Variants in ZNF407 observed in about 807,000 individuals in gnomAD.
ZNF407 encodes zinc finger protein 407.
A neutral mutation model predicts 131.2 loss-of-function variants in ZNF407; 17 were observed. The observed-to-expected ratio is 0.13, with a 90% CI of 0.09 to 0.19. The LOEUF is 0.19. Among genes scored for constraint, ZNF407 ranks in the 10% least tolerant of loss-of-function variants. ZNF407 has a pLI of 1.00. For synonymous variants in ZNF407, 1,156 were observed against 1,062.0 expected (o/e 1.09, Z -1.72); for missense variants, 2,681 against 2,830.6 (o/e 0.95, Z 1.20).
intron 8 of ZNF407, among the ~76,000 whole-genome samples, chr18:75,037,033 G>A (rs1453131876): frequency 6.6e-5 from 10 of 152,144 alleles, no homozygotes; most frequent in Non-Finnish European, 7.4e-5. Context: ...AGCTGACTCC[G>A]ATATTGCTAA....
intron 8 of ZNF407, among the ~76,000 whole-genome samples, chr18:75,047,185 G>A (rs961616577): frequency 3.3e-5 from 5 of 152,164 alleles, no homozygotes; most frequent in South Asian, 2.1e-4. Flanking sequence ...ATTGGGAAAC[G>A]GATTATGTAT....
At chr18:74,788,452 T>G (rs1033353351) in intron 4 of ZNF407, among the ~76,000 whole-genome samples, 1 of 152,122 alleles carries the variant, frequency 6.6e-6, no homozygotes, top group Non-Finnish European at 1.5e-5. Flanking sequence ...TCAGACTTAT[T>G]TATTTAAAAA....
chr18:74,874,242 C>G (rs1971124944), intron 4 of ZNF407, among the ~76,000 whole-genome samples: 2 of 152,142 alleles, frequency 1.3e-5, no homozygotes. Flanking sequence ...GTTATTTACC[C>G]TCTCAGATTG....
intron 4 of ZNF407, among the ~76,000 whole-genome samples, chr18:74,858,171 C>G (rs1276413173): frequency 6.7e-6 from 1 of 149,836 alleles, no homozygotes; most frequent in Non-Finnish European, 1.5e-5. Context: ...CCTCCCTTCC[C>G]TCCCTCCTTC....
chr18:74,667,301 G>T (rs1985968479), intron 3 of ZNF407, among the ~76,000 whole-genome samples: 2 of 152,172 alleles, frequency 1.3e-5, no homozygotes, highest in South Asian at 2.1e-4. Context: ...AAACTAAAGT[G>T]CTTTTCATTT....
chr18:74,599,082 T>TA (rs1649899056), intron 1 of ZNF407, among the ~76,000 whole-genome samples: 1 of 152,220 alleles, frequency 6.6e-6, no homozygotes, highest in African/African-American at 2.4e-5. Flanking sequence ...GGCCCTAACA[T>TA]ATACTCATCA....
intron 8 of ZNF407, among the ~76,000 whole-genome samples, chr18:75,021,485 G>C (rs1439369550): frequency 2.0e-5 from 3 of 151,922 alleles, no homozygotes; most frequent in Non-Finnish European, 4.4e-5. Flanking sequence ...AGCCAGGCTG[G>C]TCTCAAACTC....
At chr18:74,847,973 G>A (rs542625273) in intron 4 of ZNF407, among the ~76,000 whole-genome samples, 8 of 151,810 alleles carry the variant, frequency 5.3e-5, no homozygotes, top group Non-Finnish European at 1.0e-4. Flanking sequence ...TGTGTATACT[G>A]ACTAGTTTTT....
intron 7 of ZNF407, among the ~76,000 whole-genome samples, chr18:74,900,284 A>G (rs1002315979): frequency 1.3e-5 from 2 of 152,170 alleles, no homozygotes; most frequent in Non-Finnish European, 2.9e-5. Context: ...CTGTGGCTTC[A>G]GGCCTTCCCT....
At chr18:75,043,695 T>C (rs991616049) in intron 8 of ZNF407, among the ~76,000 whole-genome samples, 4 of 152,234 alleles carry the variant, frequency 2.6e-5, no homozygotes, top group African/African-American at 9.6e-5. Context: ...TTGGGTTTGC[T>C]TCTGTAGCAG....
intron 4 of ZNF407, among the ~76,000 whole-genome samples, chr18:74,837,025 T>G (rs750498410): frequency 6.6e-6 from 1 of 152,180 alleles, no homozygotes; most frequent in Admixed American, 6.5e-5. Context: ...TGAATTTCCT[T>G]CCAGAAGAGG....
intron 3 of ZNF407, among the ~76,000 whole-genome samples, chr18:74,649,928 T>G (rs1454281925): frequency 6.6e-6 from 1 of 152,230 alleles, no homozygotes; most frequent in Non-Finnish European, 1.5e-5. Flanking sequence ...CCAACAGTGG[T>G]GAATCTATTA....
chr18:74,879,568 TTAAA>T (rs1971210354), intron 5 of ZNF407, among the ~76,000 whole-genome samples: 2 of 152,210 alleles, frequency 1.3e-5, no homozygotes, highest in South Asian at 4.1e-4. Context: ...TTCAAATTGA[TTAAA>T]TAATTAAATG....
chr18:75,023,688 G>C (rs1973138494), intron 8 of ZNF407, among the ~76,000 whole-genome samples: 1 of 152,098 alleles, frequency 6.6e-6, no homozygotes, highest in African/African-American at 2.4e-5. Flanking sequence ...TCTAATTATA[G>C]TTGTGAATCG....
chr18:75,002,436 A>G (rs1393936663), intron 8 of ZNF407, among the ~76,000 whole-genome samples: 1 of 152,124 alleles, frequency 6.6e-6, no homozygotes, highest in Non-Finnish European at 1.5e-5. Flanking sequence ...TCCAGTTCTC[A>G]TTAAATCACC....
chr18:74,625,053 C>T (rs1228664689), intron 1 of ZNF407, among the ~76,000 whole-genome samples: 2 of 152,198 alleles, frequency 1.3e-5, no homozygotes, highest in Admixed American at 6.5e-5. Context: ...TGCATGAGTA[C>T]ATTTGTATGA....
At chr18:74,801,874 C>T (rs770505186) in intron 4 of ZNF407, among the ~76,000 whole-genome samples, 1 of 152,106 alleles carries the variant, frequency 6.6e-6, no homozygotes, top group South Asian at 2.1e-4. Flanking sequence ...TTCCAGAAAT[C>T]GTCCAAGTAC....
At chr18:74,665,006 G>A (rs1985876650) in intron 3 of ZNF407, among the ~76,000 whole-genome samples, 2 of 152,154 alleles carry the variant, frequency 1.3e-5, no homozygotes, top group Admixed American at 1.3e-4. Flanking sequence ...ATTTCACCAG[G>A]TTTCACCTCT....
At chr18:74,775,163 T>C (rs1044935122) in intron 3 of ZNF407, among the ~76,000 whole-genome samples, 6 of 151,882 alleles carry the variant, frequency 4.0e-5, no homozygotes, top group African/African-American at 7.2e-5. Flanking sequence ...AAAATAATTA[T>C]TTATCCTTTC....
Sources: allele counts gnomAD v4.1 joint callset (sites outside exome capture counted in the v4.1 genomes callset), GRCh38; gene constraint gnomAD v4.1.1; transcripts MANE v1.5; gene names NCBI Gene and HGNC (gene_info 2026-07-23, HGNC 2026-07-21).